The following CCDC192 variants were observed in gnomAD, a reference collection of about 807,000 sequenced individuals.
CCDC192 encodes coiled-coil domain-containing protein 192.
At chr5:127,764,322 G>A (rs1473742842) in intron 3 of CCDC192, among the ~76,000 whole-genome samples, 1 of 152,128 alleles carries the variant, frequency 6.6e-6, no homozygotes, top group Non-Finnish European at 1.5e-5. Flanking sequence ...TAAATTATTG[G>A]TGGAGAGAAG....
At chr5:127,753,250 GTT>G (rs1306696238) in intron 2 of CCDC192, among the ~76,000 whole-genome samples, 1 of 152,090 alleles carries the variant, frequency 6.6e-6, no homozygotes, top group African/African-American at 2.4e-5. Context: ...CATGTACAAG[GTT>G]TTCCAACTTT....
chr5:127,711,718 G>A (rs191494937), intron 2 of CCDC192, among the ~76,000 whole-genome samples: 108 of 152,128 alleles, frequency 7.1e-4, no homozygotes, highest in African/African-American at 2.5e-3. Context: ...TTTAAAGGAG[G>A]TATCGCTGTT....
At chr5:127,816,754 G>A (rs1409394614) in intron 5 of CCDC192, among the ~76,000 whole-genome samples, 2 of 152,180 alleles carry the variant, frequency 1.3e-5, no homozygotes, top group African/African-American at 2.4e-5. Context: ...TGCGAGGGAG[G>A]CTTCTGCTTT....
At chr5:127,798,236 G>A (rs1757285245) in intron 5 of CCDC192, 74 bp downstream of exon 5, 1 of 396,642 alleles carries the variant, frequency 2.5e-6, no homozygotes, top group African/African-American at 2.1e-5. Flanking sequence ...AACATGGAAA[G>A]AAGTTATAAA....
intron 6 of CCDC192, 75 bp downstream of exon 6, chr5:127,875,736 CA>C (rs1439775642): frequency 1.0e-5 from 4 of 390,940 alleles, no homozygotes; most frequent in East Asian, 3.6e-5. Flanking sequence ...GGCAACGAAG[CA>C]AAAAAAACGA....
intron 5 of CCDC192, among the ~76,000 whole-genome samples, chr5:127,816,553 C>A (rs1749035600): frequency 6.6e-6 from 1 of 152,194 alleles, no homozygotes; most frequent in African/African-American, 2.4e-5. Context: ...ATGGTCAAAT[C>A]ACACCACAGA....
At chr5:127,712,219 G>T (rs771223649) in intron 2 of CCDC192, among the ~76,000 whole-genome samples, 1 of 152,244 alleles carries the variant, frequency 6.6e-6, no homozygotes, top group Non-Finnish European at 1.5e-5. Context: ...TGTATTGGAG[G>T]TACCAATCTG....
chr5:127,848,794 C>T (rs753663845), intron 5 of CCDC192, among the ~76,000 whole-genome samples: 191 of 152,268 alleles, frequency 1.3e-3, no homozygotes, highest in Non-Finnish European at 2.1e-3. Flanking sequence ...ACACTTAGGT[C>T]GTTCTGGGGA....
intron 5 of CCDC192, among the ~76,000 whole-genome samples, chr5:127,813,544 C>T (rs935094663): frequency 1.3e-5 from 2 of 152,004 alleles, no homozygotes. Context: ...CTTTTATGTG[C>T]CATTTACTGA....
intron 5 of CCDC192, among the ~76,000 whole-genome samples, chr5:127,822,795 AT>A (rs2127023383): frequency 6.6e-6 from 1 of 152,298 alleles, no homozygotes; most frequent in South Asian, 2.1e-4. Flanking sequence ...AGGATAACGG[AT>A]AAAATGGCCC....
chr5:127,752,784 C>T (rs1754290476), intron 2 of CCDC192, among the ~76,000 whole-genome samples: 1 of 152,228 alleles, frequency 6.6e-6, no homozygotes, highest in African/African-American at 2.4e-5. Context: ...GCGTAGGACC[C>T]TCTGAGCCAG....
At chr5:127,926,632 A>T (rs1561554759) in intron 6 of CCDC192, among the ~76,000 whole-genome samples, 1 of 152,208 alleles carries the variant, frequency 6.6e-6, no homozygotes, top group South Asian at 2.1e-4. Flanking sequence ...GAAACTGGGT[A>T]TGAGATAAGC....
intron 2 of CCDC192, among the ~76,000 whole-genome samples, chr5:127,742,428 TA>T (rs908227562): frequency 3.3e-5 from 5 of 151,900 alleles, no homozygotes; most frequent in Non-Finnish European, 4.4e-5. Context: ...TGTTTATTTC[TA>T]AAAAAAATAG....
intron 5 of CCDC192, among the ~76,000 whole-genome samples, chr5:127,848,270 G>T (rs1750650976): frequency 6.6e-6 from 1 of 152,102 alleles, no homozygotes; most frequent in Admixed American, 6.5e-5. Flanking sequence ...TTTATTCAGA[G>T]GGTCATAAAA....
rs551065793 is a variant in CCDC192, at chr5:127,874,991, T to A, written c.412-547T>A. 6.6e-5 allele frequency among the ~76,000 whole-genome samples: 10 copies of A among 151,234 alleles called. No individual in the cohort carries two copies. In the East Asian group the frequency reaches 1.9e-3, roughly 29 times the overall value. The stretch of plus-strand genomic sequence containing the variant: ...TTCATTACTGCTTAAAAACCATTCT[T>A]ATGCTTGACGCTTTCTTACCCTTGA... On this transcript the variant is annotated intron_variant, in intron 5 of 6. Coordinates refer to ENST00000514853, the MANE Select transcript of CCDC192 (RefSeq NM_001317938.2).
intron 5 of CCDC192, among the ~76,000 whole-genome samples, chr5:127,863,645 T>C (rs1301155409): frequency 6.6e-6 from 1 of 152,212 alleles, no homozygotes; most frequent in African/African-American, 2.4e-5. Context: ...TGTGCCTATA[T>C]GTAATACTAC....
chr5:127,707,378 C>G (rs1255398550), intron 1 of CCDC192, among the ~76,000 whole-genome samples: 1 of 149,226 alleles, frequency 6.7e-6, no homozygotes, highest in Non-Finnish European at 1.5e-5. Context: ...TCTGCTGATT[C>G]TTAGGAGGTT....
chr5:127,858,306 T>C (rs754383623), intron 5 of CCDC192, among the ~76,000 whole-genome samples: 8 of 152,218 alleles, frequency 5.3e-5, no homozygotes, highest in African/African-American at 9.6e-5. Context: ...ATCCAGGCCC[T>C]GGTGCTCACC....
At chr5:127,719,492 TATAC>T (rs1218908266) in intron 2 of CCDC192, among the ~76,000 whole-genome samples, 6 of 113,502 alleles carry the variant, frequency 5.3e-5, no homozygotes, top group South Asian at 2.8e-4. Context: ...TATATATATA[TATAC>T]ACACACATAC....
Sources: gnomAD v4.1 joint callset for allele counts (sites outside exome capture counted in the v4.1 genomes callset) on GRCh38, gnomAD v4.1.1 for gene constraint, MANE v1.5 for transcripts, NCBI Gene and HGNC (gene_info 2026-07-23, HGNC 2026-07-21) for gene names.